The following IQCK variants were observed in gnomAD, a reference collection of about 807,000 sequenced individuals.
IQCK encodes IQ motif containing K.
A neutral mutation model predicts 28.1 loss-of-function variants in IQCK; 29 were observed. The observed-to-expected ratio is 1.03, with a 90% confidence interval of 0.77 to 1.41. The LOEUF (loss-of-function observed/expected upper bound fraction) is 1.41, where lower values mean the gene tolerates loss of function less well. Ranked by LOEUF, IQCK falls within the 40% of genes most tolerant of loss-of-function variation. IQCK has a pLI of 0.00. For missense variants in IQCK, 359 were observed against 314.7 expected (o/e 1.14, Z -1.07); for synonymous variants, 113 against 115.1 (o/e 0.98, Z 0.12).
At chr16:19,719,707 C>T (rs1373083198) in intron 1 of IQCK, among the ~76,000 whole-genome samples, 4 of 125,404 alleles carry the variant, frequency 3.2e-5, no homozygotes, top group Admixed American at 2.8e-4. Context: ...CGGCATGTTG[C>T]TCTGTCGCCC....
chr16:19,828,322 C>T (rs1265919920), downstream of IQCK, among the ~76,000 whole-genome samples: 6 of 150,328 alleles, frequency 4.0e-5, no homozygotes, highest in Non-Finnish European at 8.9e-5. Flanking sequence ...CAACCTCCGC[C>T]TCCTGGAGTC....
At chr16:19,744,613 T>C (rs895156916) in intron 4 of IQCK, among the ~76,000 whole-genome samples, 2 of 152,252 alleles carry the variant, frequency 1.3e-5, no homozygotes, top group African/African-American at 4.8e-5. Flanking sequence ...CATTTCATGA[T>C]ACGAATTTAA....
chr16:19,817,331 C>G (rs1200285932), intron 7 of IQCK, among the ~76,000 whole-genome samples: 1 of 152,140 alleles, frequency 6.6e-6, no homozygotes, highest in Non-Finnish European at 1.5e-5. Context: ...GAAATTGATT[C>G]CCTAATCATG....
chr16:19,799,125 CA>C (rs1445980382), intron 7 of IQCK, among the ~76,000 whole-genome samples: 2 of 111,784 alleles, frequency 1.8e-5, no homozygotes, highest in Non-Finnish European at 3.2e-5. Flanking sequence ...ATTTTTAAAA[CA>C]TTTTTTACAA....
At chr16:19,827,177 A>G in exon 8 of IQCK, 1 of 1,393,538 alleles carries the variant, frequency 7.2e-7, no homozygotes, top group Non-Finnish European at 1.0e-6. Flanking sequence ...CATTCAAGAA[A>G]AGCCTGATTC....
At chr16:19,735,308 G>T in intron 3 of IQCK, 45 bp from the exon 4 acceptor site, 1 of 1,326,382 alleles carries the variant, frequency 7.5e-7, no homozygotes, top group South Asian at 1.2e-5. Flanking sequence ...GATTGGCTCG[G>T]GCCACTGGGG....
chr16:19,764,004 T>A (rs756532359), intron 5 of IQCK, 31 bp from the exon 6 acceptor site: 2 of 1,609,738 alleles, frequency 1.2e-6, no homozygotes, highest in Admixed American at 1.7e-5. Flanking sequence ...TATTGTTTTC[T>A]TGTCAATCAA....
intron 4 of IQCK, among the ~76,000 whole-genome samples, chr16:19,758,567 C>A (rs1330637665): frequency 2.0e-5 from 3 of 152,194 alleles, no homozygotes; most frequent in African/African-American, 7.2e-5. Flanking sequence ...TGCCATCCTA[C>A]AATTGCCAGA....
chr16:19,856,677 T>C, exon 10 of IQCK: 1 of 734,600 alleles, frequency 1.4e-6, no homozygotes, highest in South Asian at 1.8e-5. Context: ...GAATCTTTTC[T>C]GTACAAGATA....
rs145414740 is a variant in IQCK, at chr16:19,850,993, C to T, written c.803-5494C>T. On this transcript the variant is annotated intron_variant, in intron 9 of 9. Transcript: ENST00000320394. ...AGCCCTGATTTGCACCACTGCTTTC[C>T]AGCCTGGGTAACAGAGCGAGACCTG... Among the ~76,000 whole-genome samples the T allele has an allele frequency of 8.0e-3, 1,220 of 152,264 alleles. 15 individuals are homozygous for T. The highest frequency in any genetic ancestry group is 9.2e-3 in the Non-Finnish European group (624 of 68,018).
intron 9 of IQCK, among the ~76,000 whole-genome samples, chr16:19,843,130 G>T (rs1483413078): frequency 6.6e-6 from 1 of 152,118 alleles, no homozygotes; most frequent in Non-Finnish European, 1.5e-5. Flanking sequence ...ACAAAAAAGT[G>T]GGTGATTCTG....
intron 2 of IQCK, among the ~76,000 whole-genome samples, chr16:19,731,828 G>C (rs1259884030): frequency 6.6e-6 from 1 of 152,212 alleles, no homozygotes; most frequent in Non-Finnish European, 1.5e-5. Flanking sequence ...GAAGCTGGTA[G>C]AGTGGCTCAG....
chr16:19,725,911 C>CT (rs142793362), intron 1 of IQCK, among the ~76,000 whole-genome samples: 3 of 150,772 alleles, frequency 2.0e-5, no homozygotes, highest in Middle Eastern at 3.5e-3. Context: ...TGAGAGATTT[C>CT]TTTTTTTTCT....
chr16:19,725,148 T>G (rs1217895820), intron 1 of IQCK, among the ~76,000 whole-genome samples: 3 of 152,236 alleles, frequency 2.0e-5, no homozygotes, highest in Non-Finnish European at 1.5e-5. Context: ...TAACCTTTGG[T>G]AATGGAAAGA....
intron 4 of IQCK, among the ~76,000 whole-genome samples, chr16:19,759,743 C>T (rs2055109877): frequency 6.6e-6 from 1 of 151,972 alleles, no homozygotes; most frequent in Non-Finnish European, 1.5e-5. Context: ...TTTGGAAGGC[C>T]GAGACGGGAG....
At chr16:19,829,526 G>A (rs139388443), downstream of IQCK, among the ~76,000 whole-genome samples, 46 of 151,976 alleles carry the variant, frequency 3.0e-4, no homozygotes, top group East Asian at 7.4e-3. Flanking sequence ...TCGTAGAGAC[G>A]GGGTTTCACC....
At chr16:19,785,332 G>A (rs2055548105) in intron 6 of IQCK, among the ~76,000 whole-genome samples, 1 of 152,182 alleles carries the variant, frequency 6.6e-6, no homozygotes, top group African/African-American at 2.4e-5. Context: ...ACTGGAGGCA[G>A]AGGAAAGCAC....
At position 19,735,455 on chromosome 16, in the gene IQCK, G is replaced by T. The variant is rs778916237; in HGVS notation, c.474+5G>T. On this transcript the variant is annotated splice_donor_5th_base_variant and intron_variant, in intron 4 of 7. Transcript: ENST00000564186. ...AAGAAAGAAAAATGTTTTGAGGTCA[G>T]TTGTTTGGCAGGATTTCTTTATTTT... is the stretch of plus-strand genomic sequence containing the variant. The T allele has an allele frequency of 4.4e-6, 7 of 1,591,934 alleles. No individual in the cohort carries two copies. The African/African-American group carries it at 8.1e-5, about 18-fold the overall frequency.
intron 7 of IQCK, among the ~76,000 whole-genome samples, chr16:19,799,428 A>G (rs1385717506): frequency 5.9e-5 from 5 of 84,140 alleles, no homozygotes; most frequent in Non-Finnish European, 9.9e-5. Context: ...CCACCACCAC[A>G]CCCATCTAAT....
Sources: allele counts gnomAD v4.1 joint callset (sites outside exome capture counted in the v4.1 genomes callset), GRCh38; gene constraint gnomAD v4.1.1; transcripts MANE v1.5; gene names NCBI Gene and HGNC (gene_info 2026-07-23, HGNC 2026-07-21).